Variants in MSN observed in about 807,000 individuals in gnomAD.
MSN encodes moesin.
Under a neutral mutation model 48.0 loss-of-function variants are expected in MSN, and 2 were observed. The observed-to-expected ratio is 0.04, with a 90% CI of 0.02 to 0.13. The LOEUF is 0.13. Among genes scored for constraint, MSN ranks in the 10% least tolerant of loss-of-function variants. MSN has a pLI of 1.00. For missense variants in MSN, 267 were observed against 470.1 expected (o/e 0.57, Z 3.99); for synonymous variants, 146 against 166.9 (o/e 0.87, Z 0.97).
intron 1 of MSN, among the ~76,000 whole-genome samples, chrX:65,709,065 A>G (rs1380950182): frequency 8.9e-6 from 1 of 112,344 alleles, no homozygotes; most frequent in East Asian, 2.8e-4. Context: ...GGTTTTGGAC[A>G]CTTGGGTTGA....
chrX:65,723,815 T>C (rs1284480192), intron 2 of MSN, among the ~76,000 whole-genome samples: 2 of 111,426 alleles, frequency 1.8e-5, no homozygotes, highest in African/African-American at 3.3e-5. Context: ...TTTGTTCTTT[T>C]TCAGTTTCAA....
At chrX:65,699,191 G>A (rs1242195060) in intron 1 of MSN, among the ~76,000 whole-genome samples, 1 of 111,891 alleles carries the variant, frequency 8.9e-6, no homozygotes, top group African/African-American at 3.3e-5. Flanking sequence ...CAAAACCACT[G>A]AGCAAAACCC....
intron 1 of MSN, among the ~76,000 whole-genome samples, chrX:65,643,411 C>T (rs1213130226): frequency 4.5e-5 from 5 of 109,970 alleles, no homozygotes; most frequent in Admixed American, 2.0e-4. Flanking sequence ...TGGGAGGAGA[C>T]GTTTGGGGAG....
chrX:65,601,594 T>G (rs2070236409), intron 1 of MSN, among the ~76,000 whole-genome samples: 1 of 112,154 alleles, frequency 8.9e-6, no homozygotes, highest in Non-Finnish European at 1.9e-5. Flanking sequence ...TGGGAAATGG[T>G]TGGCTTGGAG....
At chrX:65,672,131 T>A in intron 1 of MSN, among the ~76,000 whole-genome samples, 1 of 111,931 alleles carries the variant, frequency 8.9e-6, no homozygotes, top group Non-Finnish European at 1.9e-5. Flanking sequence ...GGTCCCTTTG[T>A]ATCTTTCTGG....
At chrX:65,626,838 T>C (rs1264888130) in intron 1 of MSN, among the ~76,000 whole-genome samples, 1 of 111,407 alleles carries the variant, frequency 9.0e-6, no homozygotes. Context: ...GTGTCAGTCT[T>C]TCAGGAAGCC....
chrX:65,634,565 ATCGCAACACTGCAC>A (rs756530073), intron 1 of MSN, among the ~76,000 whole-genome samples: 2 of 111,316 alleles, frequency 1.8e-5, no homozygotes, highest in East Asian at 5.6e-4. Flanking sequence ...GTGAGCCGAG[ATCGCAACACTGCAC>A]TCCAGCCTAG....
chrX:65,681,764 G>A (rs1237048739), intron 1 of MSN, among the ~76,000 whole-genome samples: 1 of 112,106 alleles, frequency 8.9e-6, no homozygotes, highest in Admixed American at 9.5e-5. Flanking sequence ...AGGCACAAAG[G>A]AAGGAAGGTA....
intron 1 of MSN, among the ~76,000 whole-genome samples, chrX:65,622,521 T>G (rs1485512920): frequency 9.8e-6 from 1 of 101,544 alleles, no homozygotes; most frequent in Non-Finnish European, 2.0e-5. Context: ...TTTTTTTTTT[T>G]TTTTTTTTTT....
chrX:65,707,370 A>T (rs968927482), intron 1 of MSN, among the ~76,000 whole-genome samples: 1 of 111,544 alleles, frequency 9.0e-6, no homozygotes, highest in Non-Finnish European at 1.9e-5. Flanking sequence ...TGGGAGGGCC[A>T]GTGCATGTGA....
At chrX:65,625,004 TA>T (rs2070492594) in intron 1 of MSN, 3 of 112,066 alleles carry the variant, frequency 2.7e-5, no homozygotes, top group African/African-American at 6.5e-5. Flanking sequence ...CATTCATCTC[TA>T]AGTATACTCT....
Position 65,727,795 on chromosome X carries a change from T to G in MSN, c.97-19T>G, listed in dbSNP as rs778646629. 8.4e-7 allele frequency: 1 copy of G among 1,186,994 alleles called. No individual in the cohort carries two copies. The highest frequency in any genetic ancestry group is 1.8e-5 in the South Asian group (1 of 56,269). On this transcript the variant is annotated intron_variant, in intron 2 of 12. Transcript: ENST00000360270. ...GAAGTATTCAATCAATGGTTGGTTGTTTTGGTTTTCTCTTCTAGGTGGTGA... is the reference window on the plus strand; with the variant it reads ...GAAGTATTCAATCAATGGTTGGTTGGTTTGGTTTTCTCTTCTAGGTGGTGA...
At chrX:65,615,000 C>T (rs1569454111) in intron 1 of MSN, among the ~76,000 whole-genome samples, 1 of 98,226 alleles carries the variant, frequency 1.0e-5, no homozygotes, top group Non-Finnish European at 2.0e-5. Context: ...TGATGATTTC[C>T]AATTTCATCC....
intron 1 of MSN, among the ~76,000 whole-genome samples, chrX:65,626,809 T>A (rs1428985487): frequency 9.9e-6 from 1 of 101,393 alleles, no homozygotes; most frequent in African/African-American, 4.8e-5. Context: ...TGAGTTAAAA[T>A]AAACAAAAAC....
intron 1 of MSN, among the ~76,000 whole-genome samples, chrX:65,684,840 GCAGTCCTCCTGTCTCAGC>G (rs2071097003): frequency 8.9e-6 from 1 of 112,699 alleles, no homozygotes; most frequent in African/African-American, 3.2e-5. Context: ...TTGGGCTTAA[GCAGTCCTCCTGTCTCAGC>G]CCCCTGAGTG....
upstream of MSN, among the ~76,000 whole-genome samples, chrX:65,663,766 T>C (rs2070843034): frequency 9.1e-6 from 1 of 110,470 alleles, no homozygotes; most frequent in African/African-American, 3.3e-5. Context: ...GATAAAGAAA[T>C]GGTCAACTAA....
intron 1 of MSN, among the ~76,000 whole-genome samples, chrX:65,696,576 T>C (rs1006358476): frequency 9.0e-6 from 1 of 111,134 alleles, no homozygotes; most frequent in African/African-American, 3.3e-5. Context: ...GTAGGATTCT[T>C]ATTCTCTCCA....
chrX:65,655,172 GATA>G (rs1271040646), intron 1 of MSN, among the ~76,000 whole-genome samples: 1 of 110,794 alleles, frequency 9.0e-6, no homozygotes, highest in East Asian at 2.8e-4. Context: ...AATAAAGTCA[GATA>G]ATAAAGTCAG....
At chrX:65,646,212 C>T (rs1178824617) in intron 1 of MSN, among the ~76,000 whole-genome samples, 3 of 111,980 alleles carry the variant, frequency 2.7e-5, no homozygotes, top group Non-Finnish European at 3.8e-5. Context: ...TGACCTGTGG[C>T]TTCCATGTCT....
Sources: allele counts gnomAD v4.1 joint callset (sites outside exome capture counted in the v4.1 genomes callset), GRCh38; gene constraint gnomAD v4.1.1; transcripts MANE v1.5; gene names NCBI Gene and HGNC (gene_info 2026-07-23, HGNC 2026-07-21).